The following TAPBP variants were observed in gnomAD, a reference collection of about 807,000 sequenced individuals.
The protein encoded by TAPBP is TAP binding protein.
A neutral mutation model predicts 45.7 loss-of-function variants in TAPBP; 38 were observed. The ratio of observed to expected loss-of-function variants is 0.83; its 90% CI spans 0.64 to 1.09. The LOEUF is 1.09. Among genes scored for constraint, TAPBP ranks in the 50% least tolerant of loss-of-function variants. The probability of loss-of-function intolerance (pLI) is 0.00; values close to 1 mark genes in which losing one functional copy is unlikely to be tolerated. For synonymous variants in TAPBP, 226 were observed against 254.8 expected, an observed-to-expected ratio of 0.89 and a Z score of 1.08; for missense variants, 513 against 587.3, an observed-to-expected ratio of 0.87 and a Z score of 1.31.
At chr6:33,304,091 AACCTC>A (rs1161046434) in intron 6 of TAPBP, 32 bp downstream of exon 6, 1 of 1,611,142 alleles carries the variant, frequency 6.2e-7, no homozygotes, top group Admixed American at 1.7e-5. Flanking sequence ...AAAGTCCACC[AACCTC>A]AGGTCATGGT....
chr6:33,310,655 A>C (rs997071206), intron 3 of TAPBP, among the ~76,000 whole-genome samples: 5 of 151,682 alleles, frequency 3.3e-5, no homozygotes, highest in African/African-American at 1.2e-4. Flanking sequence ...CATCTCCACA[A>C]AAAAAATACA....
rs774833572 is a variant in TAPBP, at chr6:33,303,757, C to T, written c.1335+198G>A. 14 of 1,551,306 alleles carry T rather than the reference C, an allele frequency of 9.0e-6. No individual in the cohort carries two copies. In the Admixed American group the frequency reaches 1.8e-4, roughly 20 times the overall value. On this transcript the variant is annotated intron_variant, in intron 7 of 7. Coordinates refer to ENST00000434618, the MANE Select transcript of TAPBP (RefSeq NM_003190.5). ...TAAGTAACTTTTTAAAATCCCTACACCCAAGGAAACATATAGATTAAGTAG... is the reference window on the plus strand; with the variant it reads ...TAAGTAACTTTTTAAAATCCCTACATCCAAGGAAACATATAGATTAAGTAG...
At chr6:33,304,828 G>T in intron 4 of TAPBP, 161 bp downstream of exon 4, 1 of 1,325,782 alleles carries the variant, frequency 7.5e-7, no homozygotes. Context: ...AAATTTCCAG[G>T]AAACTTCTAG....
intron 7 of TAPBP, among the ~76,000 whole-genome samples, chr6:33,302,144 CTTTTTTTT>C (rs70996762): frequency 8.4e-6 from 1 of 118,692 alleles, no homozygotes; most frequent in Admixed American, 8.7e-5. Context: ...TCTTTTCTTT[CTTTTTTTT>C]TTTTTTTTTT....
chr6:33,304,909 C>T lies in TAPBP; in HGVS notation c.868+80G>A, dbSNP rs562376553. On this transcript the variant is annotated intron_variant, in intron 4 of 7. Transcript: ENST00000434618. ...CTTACTTGCCCAGGCACCCTCTTAT[C>T]CATCATCCCTCCCCCTATTACGGTC... is the stretch of plus-strand genomic sequence containing the variant. The T allele has an allele frequency of 3.2e-6, 5 of 1,558,542 alleles. No homozygotes were observed. The African/African-American group carries it at 5.4e-5, about 17-fold the overall frequency.
Position 33,313,782 on chromosome 6 carries a change from C to T in TAPBP, c.120G>A (p.Lys40=), listed in dbSNP as rs1176400575. The T allele has an allele frequency of 6.2e-7, 1 of 1,613,812 alleles. No individual in the cohort carries two copies. The highest frequency in any genetic ancestry group is 8.5e-7 in the Non-Finnish European group (1 of 1,180,030). The change falls in exon 2 of 8, where the codon AAG becomes AAA. Residue 40 remains lysine, a synonymous_variant. Coordinates refer to ENST00000434618, the MANE Select transcript of TAPBP (RefSeq NM_003190.5). The surrounding 1 kb of genome is among the most constrained non-coding windows in gnomAD (Gnocchi z 7.2). ...GGCGCAACAGCAGTGCACCGGGTCT[C>T]TTGGCCAGGCCCTTTCCGCTCGCAT... ...VEDASGKGLA[K]RPGALLLRQG...
Position 33,302,056 on chromosome 6 carries a change from G to A in TAPBP, c.1336-285C>T, listed in dbSNP as rs992924048. On this transcript the variant is annotated intron_variant, in intron 7 of 7. Coordinates refer to ENST00000434618, the MANE Select transcript of TAPBP (RefSeq NM_003190.5). ...TGAGCATTTGATATGTGGCTAGTCC[G>A]AATTGAGATGTGCTGACTATTTAAA... Among the ~76,000 whole-genome samples the A allele has an allele frequency of 1.1e-4, 17 of 152,080 alleles. No individual in the cohort carries two copies. In the East Asian group the frequency reaches 2.3e-3, roughly 21 times the overall value.
chr6:33,314,035 A>G lies in TAPBP; in HGVS notation c.7T>C (p.Ser3Pro), dbSNP rs553927768. The change falls in exon 1 of 8, where the codon TCC (serine) becomes CCC (proline). Residue 3 changes from serine to proline, a missense_variant. Coordinates refer to ENST00000434618, the MANE Select transcript of TAPBP (RefSeq NM_003190.5). MKSLSLLLAVALG... is the reference protein window; with the variant it reads MKPLSLLLAVALG... ...GCCACAGCGAGGAGCAGAGACAGGG[A>G]CTTCATGGCGCTGCGACCTCCTCAG... The G allele has an allele frequency of 1.2e-6, 2 of 1,613,854 alleles. No individual in the cohort carries two copies. Among genetic ancestry groups the G allele is most frequent in the African/African-American group, 2.7e-5 (2 of 74,994 alleles).
chr6:33,304,570 A>G lies in TAPBP; in HGVS notation c.937T>C (p.Leu313=). 2 of 1,606,184 alleles carry G rather than the reference A, an allele frequency of 1.2e-6. No individual in the cohort carries two copies. Among genetic ancestry groups the G allele is most frequent in the Non-Finnish European group, 8.5e-7 (1 of 1,179,280 alleles). ...TAGAAGTGGGACACAAGGCAGAGCA[A>G]TTCCGGGGGTGCCTCCCCTGGGGCG... The part of the protein sequence containing the change: ...RAAPGEAPPE[L]LCLVSHFYPS... The change falls in exon 5 of 8, where the codon TTG becomes CTG. Residue 313 remains leucine, a synonymous_variant. Transcript: ENST00000434618.
intron 3 of TAPBP, among the ~76,000 whole-genome samples, chr6:33,306,511 C>T (rs1396153541): frequency 6.6e-6 from 1 of 152,208 alleles, no homozygotes; most frequent in Non-Finnish European, 1.5e-5. Flanking sequence ...CCCACCAGGA[C>T]CTAACAGATC....
chr6:33,313,100 A>C lies in TAPBP; in HGVS notation c.469+117T>G. The C allele has an allele frequency of 3.2e-6, 4 of 1,269,328 alleles. No homozygotes were observed. The highest frequency in any genetic ancestry group is 3.3e-6 in the Non-Finnish European group (3 of 917,958). The allele number at this position is 1,269,328 out of a possible 1,614,324, so 78.6% of individuals were successfully genotyped here. On this transcript the variant is annotated intron_variant, in intron 3 of 7. Coordinates refer to ENST00000434618, the MANE Select transcript of TAPBP (RefSeq NM_003190.5). This position sits in a 1 kb window ranked among gnomAD's most constrained non-coding sequence, Gnocchi z 7.2. ...AGCCAAACCACCTCTCTTAACAAAAAAAGGAAACTGAACCCCGATTGGCGA... is the reference window on the plus strand; with the variant it reads ...AGCCAAACCACCTCTCTTAACAAAACAAGGAAACTGAACCCCGATTGGCGA...
Position 33,313,529 on chromosome 6 carries a change from C to G in TAPBP, c.209-52G>C. The G allele has an allele frequency of 6.6e-7, 1 of 1,512,830 alleles. No homozygotes were observed. 93.7% of individuals were successfully genotyped at this position (1,512,830 alleles called of 1,614,324 possible). A position where few individuals can be genotyped will look rare whatever the true frequency, so the allele number is the denominator to read the frequency against. ...TGTAGAGTCACCGCCGGGAAAGGGG[C>G]TGGAAGGGCAGCGTTCGGGGAACTT... On this transcript the variant is annotated intron_variant, in intron 2 of 7. Transcript: ENST00000434618. The surrounding 1 kb of genome is among the most constrained non-coding windows in gnomAD (Gnocchi z 7.2).
In TAPBP at chr6:33,313,990, G is replaced by C. The variant is rs1337788782; in HGVS notation, c.37+15C>G. 6.2e-7 allele frequency: 1 copy of C among 1,613,918 alleles called. No homozygotes were observed. Among genetic ancestry groups the C allele is most frequent in the Non-Finnish European group, 8.5e-7 (1 of 1,180,030 alleles). On this transcript the variant is annotated intron_variant, in intron 1 of 7. Coordinates refer to ENST00000434618, the MANE Select transcript of TAPBP (RefSeq NM_003190.5). This position sits in a 1 kb window ranked among gnomAD's most constrained non-coding sequence, Gnocchi z 7.2. ...CCCTCTAGTTCTTGGGCGATGAGTC[G>C]CGGGGTTCGCTCACCCAAAGCCACA...
Position 33,299,973 on chromosome 6 carries a change from CTG to C in TAPBP, c.*1785_*1786del. 1 of 153,850 alleles carries C rather than the reference CTG, an allele frequency of 6.5e-6. No individual in the cohort carries two copies. The highest frequency in any genetic ancestry group is 6.5e-5 in the Admixed American group (1 of 15,308). 9.5% of individuals were successfully genotyped at this position (153,850 alleles called of 1,614,324 possible). A position where few individuals can be genotyped will look rare whatever the true frequency, so the allele number is the denominator to read the frequency against. On this transcript the variant is annotated 3_prime_UTR_variant, in exon 8 of 8. Coordinates refer to ENST00000434618, the MANE Select transcript of TAPBP (RefSeq NM_003190.5). The surrounding 1 kb of genome is among the most constrained non-coding windows in gnomAD (Gnocchi z 5.0). Reference sequence around the variant, plus strand: ...GACTCACACGATCACTTAAATACAACTGTGGTGAACCGCACAAGAGGGACGCG... The same window carrying C: ...GACTCACACGATCACTTAAATACAACTGGTGAACCGCACAAGAGGGACGCG...
chr6:33,304,329 C>T lies in TAPBP; in HGVS notation c.1178G>A (p.Gly393Glu). The change falls in exon 5 of 8, where the codon GGG (glycine) becomes GAG (glutamate). Residue 393 changes from glycine (G) to glutamate (E), a missense_variant. Transcript: ENST00000434618. The stretch of plus-strand genomic sequence containing the variant: ...CTCCAGGGTGACCTCAGCGCTGCGC[C>T]CCGAGGCAGGCAGGCTGGGATGGTG... ...RIHHPSLPAS[G>E]RSAEVTLEVA... The T allele has an allele frequency of 1.2e-6, 2 of 1,607,368 alleles. No homozygotes were observed. The highest frequency in any genetic ancestry group is 1.7e-6 in the Non-Finnish European group (2 of 1,175,826).
intron 7 of TAPBP, 62 bp downstream of exon 7, chr6:33,303,893 T>G: frequency 6.2e-7 from 1 of 1,613,890 alleles, no homozygotes; most frequent in Non-Finnish European, 8.5e-7. Context: ...CTCCATGGGT[T>G]TTGAGATAGG....
intron 7 of TAPBP, 93 bp downstream of exon 7, chr6:33,303,862 C>T: frequency 6.2e-7 from 1 of 1,612,286 alleles, no homozygotes; most frequent in Non-Finnish European, 8.5e-7. Context: ...CTAGGTTCTG[C>T]CTACCACACC....
chr6:33,314,006 C>T lies in TAPBP; in HGVS notation c.36G>A (p.Leu12=), dbSNP rs1562702967. 1.9e-6 allele frequency: 3 copies of T among 1,614,026 alleles called. No individual in the cohort carries two copies. Among genetic ancestry groups the T allele is most frequent in the African/African-American group, 2.7e-5 (2 of 75,046 alleles). Residue 12 remains leucine (L), a splice_region_variant and synonymous_variant, in exon 1 of 8, where the codon TTG becomes TTA. Transcript: ENST00000434618. The stretch of plus-strand genomic sequence containing the variant: ...CGATGAGTCGCGGGGTTCGCTCACC[C>T]AAAGCCACAGCGAGGAGCAGAGACA... The part of the protein sequence containing the change: ...KSLSLLLAVA[L]GLATAVSAGP...
intron 3 of TAPBP, among the ~76,000 whole-genome samples, chr6:33,307,583 G>C (rs1375113105): frequency 6.6e-6 from 1 of 151,862 alleles, no homozygotes; most frequent in Non-Finnish European, 1.5e-5. Flanking sequence ...TGTATTTTTG[G>C]TAGAGATGGG....
Sources: allele counts gnomAD v4.1 joint callset (sites outside exome capture counted in the v4.1 genomes callset), GRCh38; gene constraint gnomAD v4.1.1; non-coding constraint Gnocchi (gnomAD v3.1); transcripts MANE v1.5; gene names NCBI Gene and HGNC (gene_info 2026-07-23, HGNC 2026-07-21).